ASB3: variants seen among roughly 807,000 people sequenced by gnomAD.
ASB3 encodes the protein ankyrin repeat and SOCS box protein 3.
ASB3 carries 41 observed loss-of-function variants against 54.5 expected under a neutral mutation model. That is an observed-to-expected ratio of 0.75 (90% CI 0.59 to 0.98). The LOEUF (loss-of-function observed/expected upper bound fraction) is 0.98, where lower values mean the gene tolerates loss of function less well. Ranked by LOEUF, ASB3 falls within the 50% of genes least tolerant of loss-of-function variation. The pLI is 0.00. For missense variants in ASB3, 733 were observed against 620.0 expected (o/e 1.18, Z -1.94); for synonymous variants, 266 against 221.2 (o/e 1.20, Z -1.80).
chr2:53,705,453 A>AT (rs1055173839), intron 7 of ASB3, among the ~76,000 whole-genome samples: 3 of 152,346 alleles, frequency 2.0e-5, no homozygotes, highest in Middle Eastern at 3.4e-3. Context: ...ACTGTACACC[A>AT]TACTGCTTCA....
chr2:53,701,880 C>A (rs1330879815), intron 7 of ASB3, among the ~76,000 whole-genome samples: 1 of 152,130 alleles, frequency 6.6e-6, no homozygotes, highest in Non-Finnish European at 1.5e-5. Flanking sequence ...AATATAAGTT[C>A]TATCCTATGT....
intron 2 of ASB3, 125 bp downstream of exon 2, chr2:53,765,252 G>A (rs1040599660): frequency 9.1e-5 from 118 of 1,298,596 alleles, no homozygotes; most frequent in Non-Finnish European, 1.2e-4. Flanking sequence ...AATAAATTCA[G>A]GCAGTTATTT....
intron 3 of ASB3, among the ~76,000 whole-genome samples, chr2:53,746,471 T>A (rs1223165166): frequency 6.7e-6 from 1 of 149,766 alleles, no homozygotes; most frequent in East Asian, 1.9e-4. Context: ...ACACTGTTTT[T>A]TGGGGGGTTT....
At chr2:53,777,920 G>C (rs1481107243) in intron 1 of ASB3, among the ~76,000 whole-genome samples, 1 of 152,146 alleles carries the variant, frequency 6.6e-6, no homozygotes, top group African/African-American at 2.4e-5. Context: ...ACCAAGGCGG[G>C]TGGATCGCCT....
At chr2:53,756,669 A>G (rs1390444571) in intron 2 of ASB3, among the ~76,000 whole-genome samples, 1 of 152,068 alleles carries the variant, frequency 6.6e-6, no homozygotes, top group East Asian at 1.9e-4. Context: ...CTCCCATTGT[A>G]TGGGAGCTCT....
At chr2:53,730,439 T>C (rs911477169) in intron 3 of ASB3, among the ~76,000 whole-genome samples, 29 of 152,148 alleles carry the variant, frequency 1.9e-4, no homozygotes, top group African/African-American at 6.8e-4. Context: ...CTAACGTGCT[T>C]GGATGTAAGA....
chr2:53,694,189 A>C, intron 8 of ASB3, 175 bp from the exon 9 acceptor site: 1 of 618,278 alleles, frequency 1.6e-6, no homozygotes. Flanking sequence ...ATTAACAATC[A>C]TCTACAGGTT....
At chr2:53,734,425 T>C (rs1671500444) in intron 3 of ASB3, among the ~76,000 whole-genome samples, 1 of 152,216 alleles carries the variant, frequency 6.6e-6, no homozygotes, top group Non-Finnish European at 1.5e-5. Flanking sequence ...CCCCAAAGAC[T>C]ACTCTTCTTG....
At chr2:53,706,443 G>C (rs746255222) in intron 7 of ASB3, among the ~76,000 whole-genome samples, 1 of 151,910 alleles carries the variant, frequency 6.6e-6, no homozygotes, top group Admixed American at 6.6e-5. Flanking sequence ...TCAAAAGGCA[G>C]CTTCTTTTTT....
chr2:53,717,429 ACAAT>A (rs1670460428), intron 5 of ASB3, among the ~76,000 whole-genome samples: 1 of 152,200 alleles, frequency 6.6e-6, no homozygotes, highest in African/African-American at 2.4e-5. Context: ...AATAATGCCT[ACAAT>A]CAGAGAAAAA....
intron 1 of ASB3, chr2:53,786,379 G>C (rs1198215678): frequency 6.6e-6 from 1 of 152,222 alleles, no homozygotes; most frequent in African/African-American, 2.4e-5. Flanking sequence ...TTCCACGAGA[G>C]TCGCCCACCA....
chr2:53,756,249 T>G (rs1472918221), intron 2 of ASB3, among the ~76,000 whole-genome samples: 2 of 152,136 alleles, frequency 1.3e-5, no homozygotes, highest in Admixed American at 6.6e-5. Flanking sequence ...TCTAACGACA[T>G]CATTCTAATA....
chr2:53,771,168 G>A (rs1673876196), intron 1 of ASB3, among the ~76,000 whole-genome samples: 1 of 152,152 alleles, frequency 6.6e-6, no homozygotes, highest in African/African-American at 2.4e-5. Flanking sequence ...AAATTTGAAA[G>A]TCACTTCCCT....
At chr2:53,717,798 G>A (rs1311678046) in intron 5 of ASB3, among the ~76,000 whole-genome samples, 1 of 152,020 alleles carries the variant, frequency 6.6e-6, no homozygotes, top group East Asian at 1.9e-4. Context: ...AACTTCTAAA[G>A]CAATTCAGGA....
intron 3 of ASB3, among the ~76,000 whole-genome samples, chr2:53,736,867 T>C (rs114675859): frequency 0.011 from 1,697 of 151,854 alleles, 20 homozygotes; most frequent in Non-Finnish European, 0.017. Flanking sequence ...GGTGCATGCC[T>C]GTAGTCCCAA....
At chr2:53,773,772 C>G (rs908894349) in intron 1 of ASB3, among the ~76,000 whole-genome samples, 1 of 151,750 alleles carries the variant, frequency 6.6e-6, no homozygotes, top group Non-Finnish European at 1.5e-5. Context: ...TGGTGGTTCA[C>G]ACCTGTAATC....
chr2:53,706,750 G>A (rs1572878414), intron 7 of ASB3, among the ~76,000 whole-genome samples: 1 of 152,004 alleles, frequency 6.6e-6, no homozygotes, highest in African/African-American at 2.4e-5. Context: ...CAGCCAAAAC[G>A]CAGTTTCTTA....
At chr2:53,726,117 C>T (rs930167252) in intron 5 of ASB3, among the ~76,000 whole-genome samples, 5 of 151,934 alleles carry the variant, frequency 3.3e-5, no homozygotes, top group Admixed American at 1.3e-4. Flanking sequence ...ACCTTTTCAA[C>T]TGATTATTCA....
chr2:53,686,067 C>T (rs914811760), intron 9 of ASB3, among the ~76,000 whole-genome samples: 8 of 152,064 alleles, frequency 5.3e-5, no homozygotes, highest in Non-Finnish European at 1.0e-4. Flanking sequence ...TTTTTAAAGC[C>T]GCGTTATTAT....
Sources: gnomAD v4.1 joint callset for allele counts (sites outside exome capture counted in the v4.1 genomes callset) on GRCh38, gnomAD v4.1.1 for gene constraint, MANE v1.5 for transcripts, NCBI Gene and HGNC (gene_info 2026-07-23, HGNC 2026-07-21) for gene names.